The following OPCML variants were observed in gnomAD, a reference collection of about 807,000 sequenced individuals.
OPCML encodes the protein opioid-binding protein/cell adhesion molecule.
OPCML carries 13 observed loss-of-function variants against 37.8 expected under a neutral mutation model. That is an observed-to-expected ratio of 0.34 (90% confidence interval 0.22 to 0.55). OPCML has a LOEUF of 0.55. Among genes scored for constraint, OPCML ranks in the 20% least tolerant of loss-of-function variants. OPCML has a pLI of 0.91. For synonymous variants in OPCML, 176 were observed against 168.8 expected (o/e 1.04, Z -0.33); for missense variants, 341 against 435.6 (o/e 0.78, Z 1.93).
intron 1 of OPCML, among the ~76,000 whole-genome samples, chr11:133,396,125 A>T (rs1945280894): frequency 6.6e-6 from 1 of 151,366 alleles, no homozygotes; most frequent in Admixed American, 6.6e-5. Context: ...TAGGTATTTA[A>T]TTTTATTTGT....
chr11:132,623,086 A>G (rs1939518573), intron 3 of OPCML, among the ~76,000 whole-genome samples: 1 of 152,184 alleles, frequency 6.6e-6, no homozygotes, highest in African/African-American at 2.4e-5. Flanking sequence ...TGGAAGCCTC[A>G]GGTCATTTGC....
At chr11:133,318,662 A>G (rs1201826136) in intron 1 of OPCML, among the ~76,000 whole-genome samples, 10 of 152,138 alleles carry the variant, frequency 6.6e-5, no homozygotes, top group Non-Finnish European at 1.3e-4. Context: ...TTCTTTGACG[A>G]TATCTGCTAG....
At chr11:133,308,158 C>T (rs184198676) in intron 1 of OPCML, among the ~76,000 whole-genome samples, 1 of 152,122 alleles carries the variant, frequency 6.6e-6, no homozygotes, top group Non-Finnish European at 1.5e-5. Flanking sequence ...ATAAACCTGA[C>T]TACCATGTGA....
At chr11:133,182,136 G>T (rs1019604165) in intron 1 of OPCML, among the ~76,000 whole-genome samples, 2 of 152,148 alleles carry the variant, frequency 1.3e-5, no homozygotes, top group East Asian at 1.9e-4. Context: ...TAACTGTACT[G>T]CCCTCAGCTG....
intron 2 of OPCML, among the ~76,000 whole-genome samples, chr11:132,893,461 A>G (rs962432350): frequency 1.3e-5 from 2 of 152,180 alleles, no homozygotes; most frequent in African/African-American, 4.8e-5. Context: ...CCCTGGGATC[A>G]TCAAGCTCTG....
intron 1 of OPCML, among the ~76,000 whole-genome samples, chr11:133,405,071 T>C (rs184245266): frequency 5.9e-5 from 9 of 152,320 alleles, no homozygotes; most frequent in Non-Finnish European, 7.4e-5. Context: ...TTTACAGTTC[T>C]CCCTATACAT....
At chr11:133,359,664 C>A (rs914921167) in intron 1 of OPCML, among the ~76,000 whole-genome samples, 1 of 152,122 alleles carries the variant, frequency 6.6e-6, no homozygotes, top group African/African-American at 2.4e-5. Context: ...AATAGATAAG[C>A]TCTTGTCCCT....
chr11:133,325,015 A>G (rs1030638223), intron 1 of OPCML, among the ~76,000 whole-genome samples: 1 of 152,204 alleles, frequency 6.6e-6, no homozygotes, highest in African/African-American at 2.4e-5. Context: ...AGGATTTGCA[A>G]GTACCACGTT....
intron 1 of OPCML, among the ~76,000 whole-genome samples, chr11:133,475,964 C>G (rs1410105354): frequency 6.6e-6 from 1 of 152,128 alleles, no homozygotes; most frequent in East Asian, 1.9e-4. Flanking sequence ...TAGCAAGCTG[C>G]ATCCATTTGG....
chr11:132,417,818 A>T lies in OPCML; in HGVS notation c.*2375T>A, dbSNP rs2095943787. On this transcript the variant is annotated 3_prime_UTR_variant, in exon 8 of 8. Coordinates refer to ENST00000524381, the MANE Select transcript of OPCML (RefSeq NM_001012393.5). The stretch of plus-strand genomic sequence containing the variant: ...GACAGATCTGAAACGTCTATGTGCG[A>T]CCTTTAATTCTGATTTTGCGCCTGC... 1 of 152,192 alleles carries T rather than the reference A, an allele frequency of 6.6e-6. No individual in the cohort carries two copies. The highest frequency in any genetic ancestry group is 1.5e-5 in the Non-Finnish European group (1 of 68,048). 9.4% of individuals were successfully genotyped at this position (152,192 alleles called of 1,614,324 possible). A position where few individuals can be genotyped will look rare whatever the true frequency, so the allele number is the denominator to read the frequency against.
At chr11:133,265,748 G>A (rs1191206709) in intron 1 of OPCML, among the ~76,000 whole-genome samples, 2 of 152,140 alleles carry the variant, frequency 1.3e-5, no homozygotes, top group East Asian at 3.9e-4. Context: ...GCTCCTCCCA[G>A]GTGTCAGATG....
intron 1 of OPCML, among the ~76,000 whole-genome samples, chr11:133,175,155 A>C (rs1307812022): frequency 6.6e-6 from 1 of 152,224 alleles, no homozygotes; most frequent in Admixed American, 6.5e-5. Flanking sequence ...GTGTTTTAGG[A>C]TCAGTCTGAG....
intron 1 of OPCML, among the ~76,000 whole-genome samples, chr11:133,080,442 G>A (rs979407019): frequency 1.3e-5 from 2 of 150,814 alleles, no homozygotes; most frequent in African/African-American, 2.4e-5. Context: ...CAGCGGCACC[G>A]TGAGAAAACA....
In OPCML at chr11:132,511,691, G is replaced by A. The variant is rs530394541; in HGVS notation, c.505+17370C>T. ...CACAGATGCTTTTGGATTAACTGTAGAGCTGTATGGAAAAAAAATGAATCT... is the reference window on the plus strand; with the variant it reads ...CACAGATGCTTTTGGATTAACTGTAAAGCTGTATGGAAAAAAAATGAATCT... On this transcript the variant is annotated intron_variant, in intron 4 of 7. Coordinates refer to ENST00000524381, the MANE Select transcript of OPCML (RefSeq NM_001012393.5). Among the ~76,000 whole-genome samples, 16 of 152,070 alleles carry A rather than the reference G, an allele frequency of 1.1e-4. 1 individual carries two copies. The South Asian group carries it at 3.3e-3, about 32-fold the overall frequency.
At chr11:132,858,790 A>C (rs1479508903) in intron 2 of OPCML, among the ~76,000 whole-genome samples, 1 of 152,250 alleles carries the variant, frequency 6.6e-6, no homozygotes, top group Non-Finnish European at 1.5e-5. Context: ...TTATGAATAA[A>C]TCTAAAAGTA....
intron 2 of OPCML, among the ~76,000 whole-genome samples, chr11:132,747,393 AG>A: frequency 6.6e-6 from 1 of 152,334 alleles, no homozygotes; most frequent in South Asian, 2.1e-4. Flanking sequence ...ACCATGAAAA[AG>A]GAAACAGATG....
chr11:132,597,046 T>C (rs886294302), intron 3 of OPCML, among the ~76,000 whole-genome samples: 1 of 152,350 alleles, frequency 6.6e-6, no homozygotes, highest in East Asian at 1.9e-4. Context: ...ATAGCATTTA[T>C]TGAGACACTA....
At chr11:133,165,205 G>A (rs898891316) in intron 1 of OPCML, among the ~76,000 whole-genome samples, 1 of 152,234 alleles carries the variant, frequency 6.6e-6, no homozygotes, top group Non-Finnish European at 1.5e-5. Context: ...CAGAGGCTTG[G>A]TGTAGGCAGA....
chr11:133,261,523 C>T (rs1349971896), intron 1 of OPCML, among the ~76,000 whole-genome samples: 2 of 152,166 alleles, frequency 1.3e-5, no homozygotes, highest in African/African-American at 2.4e-5. Flanking sequence ...TGGCATCAGA[C>T]GAAAGAGTGG....
Sources: allele counts gnomAD v4.1 joint callset (sites outside exome capture counted in the v4.1 genomes callset), GRCh38; gene constraint gnomAD v4.1.1; transcripts MANE v1.5; gene names NCBI Gene and HGNC (gene_info 2026-07-23, HGNC 2026-07-21).